ZFP37: variants seen among roughly 807,000 people sequenced by gnomAD.
The protein encoded by ZFP37 is zinc finger protein 37 homolog.
In ZFP37, 38 loss-of-function variants were observed where a neutral mutation model predicts 52.1. The observed-to-expected ratio is 0.73, with a 90% CI of 0.56 to 0.96. The LOEUF (loss-of-function observed/expected upper bound fraction) is 0.96. Among genes scored for constraint, ZFP37 ranks in the 40% least tolerant of loss-of-function variants. The pLI is 0.00. For missense variants in ZFP37, 695 were observed against 741.4 expected (o/e 0.94, Z 0.73); for synonymous variants, 253 against 259.5 (o/e 0.98, Z 0.24).
chr9:113,040,895 T>A lies in ZFP37; in HGVS notation c.*1830A>T, dbSNP rs1828834950. ...TTTGAAAACCATTTCTGTACTTATG[T>A]CTCTGCTTTTAGTGTAACAACTTAG... is the stretch of plus-strand genomic sequence containing the variant. On this transcript the variant is annotated 3_prime_UTR_variant, in exon 4 of 4. Transcript: ENST00000374227. 6.6e-6 allele frequency: 1 copy of A among 152,302 alleles called. No homozygotes were observed. Among genetic ancestry groups the A allele is most frequent in the Non-Finnish European group, 1.5e-5 (1 of 68,022 alleles). 9.4% of individuals were successfully genotyped at this position (152,302 alleles called of 1,614,324 possible).
intron 1 of ZFP37, 69 bp downstream of exon 1, chr9:113,056,488 C>T: frequency 6.3e-7 from 1 of 1,590,386 alleles, no homozygotes; most frequent in Non-Finnish European, 8.6e-7. Flanking sequence ...TCACAGACTA[C>T]TCCAATCACT....
At chr9:113,056,460 T>C (rs1829145352) in intron 1 of ZFP37, 97 bp downstream of exon 1, 3 of 1,543,776 alleles carry the variant, frequency 1.9e-6, no homozygotes, top group Non-Finnish European at 2.6e-6. Context: ...ATTCCACCAA[T>C]TCCCAAATCA....
rs1458143363 is a variant in ZFP37 at position 113,039,849 on chromosome 9, A to G, written c.*2876T>C. The G allele has an allele frequency of 5.9e-5, 9 of 152,206 alleles. No homozygotes were observed. The allele number at this position is 152,206 out of a possible 1,614,324, so 9.4% of individuals were successfully genotyped here. ...AGTTTAAAAATAATTTTTTAAACTT[A>G]CTTACACCATGATTTAGATTAGTGG... On this transcript the variant is annotated 3_prime_UTR_variant, in exon 4 of 4. Transcript: ENST00000374227.
chr9:113,051,646 G>T (rs899092611), intron 1 of ZFP37, among the ~76,000 whole-genome samples: 3 of 152,018 alleles, frequency 2.0e-5, no homozygotes, highest in African/African-American at 7.2e-5. Context: ...GTAGAGACAG[G>T]TTCTTGCTAT....
intron 3 of ZFP37, among the ~76,000 whole-genome samples, chr9:113,047,654 A>C (rs1248799543): frequency 1.3e-5 from 2 of 152,206 alleles, no homozygotes; most frequent in African/African-American, 2.4e-5. Flanking sequence ...TGGAAAAATT[A>C]AGTATGAGAT....
chr9:113,041,945 A>G lies in ZFP37; in HGVS notation c.*780T>C, dbSNP rs529123266. Reference sequence around the variant, plus strand: ...TATACTCCTCTGCCCAATGGCAACCACCATGAAGTTTATTCTGTATTTTTT... The same window carrying G: ...TATACTCCTCTGCCCAATGGCAACCGCCATGAAGTTTATTCTGTATTTTTT... On this transcript the variant is annotated 3_prime_UTR_variant, in exon 4 of 4. Transcript: ENST00000374227. The G allele has an allele frequency of 6.6e-6, 1 of 152,322 alleles. No individual in the cohort carries two copies. The highest frequency in any genetic ancestry group is 1.9e-4 in the East Asian group (1 of 5,192). 9.4% of individuals were successfully genotyped at this position (152,322 alleles called of 1,614,324 possible).
chr9:113,044,202 A>T lies in ZFP37; in HGVS notation c.416T>A (p.Val139Asp). The change falls in exon 4 of 4, where the codon GTT becomes GAT. Residue 139 changes from valine to aspartate, a missense_variant. Transcript: ENST00000374227. ...QKSQNKLLRE[V>D]AVKKKTQAKK... is the part of the protein sequence containing the mutation. ...AGCTTGAGTTTTCTTCTTGACTGCA[A>T]CTTCCCTGAGGAGTTTGTTTTGAGA... 1 of 1,602,236 alleles carries T rather than the reference A, an allele frequency of 6.2e-7. No individual in the cohort carries two copies. Among genetic ancestry groups the T allele is most frequent in the South Asian group, 1.1e-5 (1 of 87,628 alleles).
intron 1 of ZFP37, 40 bp from the exon 2 acceptor site, chr9:113,049,912 T>C: frequency 6.2e-7 from 1 of 1,613,134 alleles, no homozygotes; most frequent in Non-Finnish European, 8.5e-7. Context: ...TGAATGTTAC[T>C]GATACCTGTG....
At position 113,040,989 on chromosome 9, in the gene ZFP37, G is replaced by C. The variant is rs1238933190; in HGVS notation, c.*1736C>G. ...TTTTTTTGAGACAGAGCCTCACTCT[G>C]CTGCCCAGGCTGGAGTGCACTGTAA... On this transcript the variant is annotated 3_prime_UTR_variant, in exon 4 of 4. Coordinates refer to ENST00000374227, the MANE Select transcript of ZFP37 (RefSeq NM_003408.3). 1 of 152,050 alleles carries C rather than the reference G, an allele frequency of 6.6e-6. No individual in the cohort carries two copies. Among genetic ancestry groups the C allele is most frequent in the Non-Finnish European group, 1.5e-5 (1 of 68,020 alleles). 9.4% of individuals were successfully genotyped at this position (152,050 alleles called of 1,614,324 possible).
Position 113,042,983 on chromosome 9 carries a change from A to T in ZFP37, c.1635T>A (p.Tyr545Ter), listed in dbSNP as rs778874119. 2 of 1,613,852 alleles carry T rather than the reference A, an allele frequency of 1.2e-6. No homozygotes were observed. Among genetic ancestry groups the T allele is most frequent in the Non-Finnish European group, 1.7e-6 (2 of 1,179,942 alleles). Residue 545 changes from tyrosine to a stop codon, truncating the protein, a stop_gained, in exon 4 of 4, where the codon TAT (tyrosine) becomes TAA (stop). Transcript: ENST00000374227. LOFTEE classifies it high-confidence loss of function. ...AGGCTTTCCCACATTCATTACACTC[A>T]TACGGTTTCTCTCCAGTATGAACTC... Reference protein sequence around the residue: ...HQRVHTGEKPYECNECGKAFS... With the variant: ...HQRVHTGEKP
At position 113,042,708 on chromosome 9, in the gene ZFP37, A is replaced by G. The variant is rs773553352; in HGVS notation, c.*17T>C. 1 of 1,527,896 alleles carries G rather than the reference A, an allele frequency of 6.5e-7. No homozygotes were observed. The highest frequency in any genetic ancestry group is 8.8e-7 in the Non-Finnish European group (1 of 1,141,736). 94.6% of individuals were successfully genotyped at this position (1,527,896 alleles called of 1,614,324 possible). ...AACAAAACCTTAAATTTAGTTAACA[A>G]ATTTCCCACATTAACTTCACTCATG... is the stretch of plus-strand genomic sequence containing the variant. On this transcript the variant is annotated 3_prime_UTR_variant, in exon 4 of 4. Coordinates refer to ENST00000374227, the MANE Select transcript of ZFP37 (RefSeq NM_003408.3).
Position 113,049,740 on chromosome 9 carries a change from G to A in ZFP37, c.214+51C>T, listed in dbSNP as rs777851783. 17 of 1,593,870 alleles carry A rather than the reference G, an allele frequency of 1.1e-5. No homozygotes were observed. The Admixed American group carries it at 1.4e-4, about 13-fold the overall frequency. On this transcript the variant is annotated intron_variant, in intron 2 of 3. Transcript: ENST00000374227. ...GGCCAAACTTATCAAGGACTCCAGA[G>A]AGAAGGTATCACAGTGGACACATTT... is the stretch of plus-strand genomic sequence containing the variant.
chr9:113,056,114 A>G (rs1415998150), intron 1 of ZFP37, among the ~76,000 whole-genome samples: 2 of 151,068 alleles, frequency 1.3e-5, no homozygotes, highest in Non-Finnish European at 2.9e-5. Flanking sequence ...CCAAGCCCCA[A>G]TCTCTGATGC....
rs145388064 is a variant in ZFP37, at chr9:113,045,401, CA to C, written c.350-1134del. Among the ~76,000 whole-genome samples the C allele has an allele frequency of 6.1e-3, 935 of 152,296 alleles. 8 individuals are homozygous for C. The highest frequency in any genetic ancestry group is 0.021 in the African/African-American group (870 of 41,556). ...ATTAGCTTAGCAAACAAACTTTACT[CA>C]ATCTGATTTGTAGTGTACATCCAAC... On this transcript the variant is annotated intron_variant, in intron 3 of 3. Coordinates refer to ENST00000374227, the MANE Select transcript of ZFP37 (RefSeq NM_003408.3).
intron 1 of ZFP37, among the ~76,000 whole-genome samples, chr9:113,054,156 T>C (rs371491346): frequency 1.3e-5 from 2 of 152,186 alleles, no homozygotes; most frequent in Admixed American, 1.3e-4. Flanking sequence ...TTGAGCTACA[T>C]ACTGACAAAA....
At chr9:113,055,097 G>A (rs1000109458) in intron 1 of ZFP37, among the ~76,000 whole-genome samples, 1 of 152,156 alleles carries the variant, frequency 6.6e-6, no homozygotes, top group Non-Finnish European at 1.5e-5. Context: ...CCCTCTGACT[G>A]TGCTCCAACA....
chr9:113,047,990 T>C (rs1183866826), intron 3 of ZFP37, among the ~76,000 whole-genome samples: 3 of 152,132 alleles, frequency 2.0e-5, no homozygotes, highest in African/African-American at 7.2e-5. Context: ...GAACAGATGG[T>C]AGAAGACAAA....
intron 1 of ZFP37, among the ~76,000 whole-genome samples, chr9:113,050,756 G>A (rs545000513): frequency 5.3e-5 from 8 of 152,200 alleles, no homozygotes; most frequent in African/African-American, 1.7e-4. Context: ...AATGAGCCAG[G>A]CATGGTGGCA....
Position 113,043,486 on chromosome 9 carries a change from C to T in ZFP37, c.1132G>A (p.Glu378Lys), listed in dbSNP as rs767689815. 1.2e-5 allele frequency: 19 copies of T among 1,613,958 alleles called. No individual in the cohort carries two copies. Among genetic ancestry groups the T allele is most frequent in the African/African-American group, 5.3e-5 (4 of 74,938 alleles). The change falls in exon 4 of 4, where the codon GAA (glutamate) becomes AAA (lysine). Residue 378 changes from glutamate (E) to lysine (K), a missense_variant. This residue lies in a region of ZFP37 where 326 missense variants were observed against 400.5 expected (regional missense o/e 0.81). Coordinates refer to ENST00000374227, the MANE Select transcript of ZFP37 (RefSeq NM_003408.3). ...LRIHTGEKPYECAECGKTFRH... is the reference protein window; with the variant it reads ...LRIHTGEKPYKCAECGKTFRH... ...AAGGTTTTCCCACATTCAGCACATTCATAGGGCTTTTCTCCAGTATGAATT... is the reference window on the plus strand; with the variant it reads ...AAGGTTTTCCCACATTCAGCACATTTATAGGGCTTTTCTCCAGTATGAATT...
Sources: allele counts gnomAD v4.1 joint callset (sites outside exome capture counted in the v4.1 genomes callset), GRCh38; gene constraint gnomAD v4.1.1; regional missense constraint gnomAD v4.1.1; transcripts MANE v1.5; gene names NCBI Gene and HGNC (gene_info 2026-07-23, HGNC 2026-07-21).